Variants in MAPK10 observed in about 807,000 individuals in gnomAD.
MAPK10 encodes the protein mitogen-activated protein kinase 10.
A neutral mutation model predicts 59.3 loss-of-function variants in MAPK10; 25 were observed. That is an observed-to-expected ratio of 0.42 (90% CI 0.31 to 0.59). The LOEUF (loss-of-function observed/expected upper bound fraction) is 0.59. MAPK10 is among the 20% of genes least tolerant of loss of function. MAPK10 has a pLI of 0.15. For synonymous variants in MAPK10, 190 were observed against 200.5 expected (o/e 0.95, Z 0.44); for missense variants, 351 against 568.9 (o/e 0.62, Z 3.90).
intron 1 of MAPK10, among the ~76,000 whole-genome samples, chr4:86,466,116 T>G (rs184101990): frequency 4.6e-5 from 7 of 152,378 alleles, no homozygotes; most frequent in Admixed American, 3.9e-4. Context: ...TCTCAGTATT[T>G]ACCATAATAA....
chr4:86,290,759 T>A (rs2095197640), intron 2 of MAPK10, among the ~76,000 whole-genome samples: 1 of 152,186 alleles, frequency 6.6e-6, no homozygotes, highest in Non-Finnish European at 1.5e-5. Flanking sequence ...CTATATTAGA[T>A]GTAGCAGCCT....
chr4:86,313,934 A>G (rs1223707135), intron 2 of MAPK10, among the ~76,000 whole-genome samples: 2 of 152,124 alleles, frequency 1.3e-5, no homozygotes, highest in African/African-American at 4.8e-5. Flanking sequence ...AGCAACACAT[A>G]TGTTTATCAA....
At chr4:86,144,837 T>C (rs1317055855) in intron 4 of MAPK10, among the ~76,000 whole-genome samples, 1 of 152,156 alleles carries the variant, frequency 6.6e-6, no homozygotes, top group Non-Finnish European at 1.5e-5. Flanking sequence ...CCATGTTTGC[T>C]TTCAGGACAA....
intron 7 of MAPK10, 97 bp downstream of exon 7, chr4:86,101,792 GTATAT>G (rs1451085150): frequency 5.3e-6 from 6 of 1,131,932 alleles, no homozygotes; most frequent in South Asian, 2.9e-5. Context: ...AAATGAGGAA[GTATAT>G]TATATTTGAC....
intron 2 of MAPK10, among the ~76,000 whole-genome samples, chr4:86,351,075 T>TA (rs1021605197): frequency 9.2e-5 from 14 of 151,922 alleles, no homozygotes; most frequent in East Asian, 3.9e-4. Context: ...TCCATATCTT[T>TA]AAAAAAAAGT....
rs951209020 is a variant in MAPK10, at chr4:86,107,305, A to G, written c.284T>C (p.Leu95Pro). 1 of 1,613,142 alleles carries G rather than the reference A, an allele frequency of 6.2e-7. No individual in the cohort carries two copies. The highest frequency in any genetic ancestry group is 8.5e-7 in the Non-Finnish European group (1 of 1,179,486). Reference protein sequence around the residue: ...VLDRNVAIKKLSRPFQNQTHA... With the variant: ...VLDRNVAIKKPSRPFQNQTHA... Reference sequence around the variant, plus strand: ...TGTTTGGTTCTGAAAGGGTCTGCTGAGCTTCTTAATGGCCACATTTCTGTC... The same window carrying G: ...TGTTTGGTTCTGAAAGGGTCTGCTGGGCTTCTTAATGGCCACATTTCTGTC... Residue 95 changes from leucine (L) to proline (P), a missense_variant, in exon 5 of 14, where the codon CTC becomes CCC. Leu to Pro is a moderately conservative substitution (Grantham distance 98). This residue lies in a region of MAPK10 where 51 missense variants were observed against 72.7 expected (regional missense o/e 0.70). Coordinates refer to ENST00000641462, the MANE Select transcript of MAPK10 (RefSeq NM_138982.4).
At chr4:86,167,369 G>A (rs1254910070) in intron 3 of MAPK10, among the ~76,000 whole-genome samples, 1 of 152,190 alleles carries the variant, frequency 6.6e-6, no homozygotes, top group Non-Finnish European at 1.5e-5. Flanking sequence ...CTCATTTTAT[G>A]AGGCCAGCAT....
chr4:86,404,437 ATGATTCAT>A (rs2149020206), intron 1 of MAPK10, among the ~76,000 whole-genome samples: 1 of 152,310 alleles, frequency 6.6e-6, no homozygotes, highest in African/African-American at 2.4e-5. Flanking sequence ...CTCTTCATTC[ATGATTCAT>A]TGACTCTCTC....
intron 1 of MAPK10, among the ~76,000 whole-genome samples, chr4:86,396,348 A>G (rs1742947204): frequency 1.3e-5 from 2 of 152,164 alleles, no homozygotes; most frequent in South Asian, 4.1e-4. Context: ...CTCTGTCTCA[A>G]AAAAAAGAAA....
chr4:86,099,428 T>C (rs909656256), intron 8 of MAPK10: 2 of 152,270 alleles, frequency 1.3e-5, no homozygotes, highest in African/African-American at 4.8e-5. Flanking sequence ...CTTTTCATTA[T>C]GGACAAAGGG....
At chr4:86,380,894 C>T (rs1201828920) in intron 1 of MAPK10, among the ~76,000 whole-genome samples, 1 of 145,414 alleles carries the variant, frequency 6.9e-6, no homozygotes, top group Non-Finnish European at 1.5e-5. Flanking sequence ...CTAGTTCATA[C>T]ATCCTGCATT....
chr4:86,345,549 ATTGGTGTC>A (rs1163916828), intron 2 of MAPK10, among the ~76,000 whole-genome samples: 1 of 152,204 alleles, frequency 6.6e-6, no homozygotes, highest in African/African-American at 2.4e-5. Flanking sequence ...CGGTGAAACT[ATTGGTGTC>A]TTAGTCACTT....
intron 1 of MAPK10, among the ~76,000 whole-genome samples, chr4:86,528,404 T>C (rs1757633419): frequency 6.6e-6 from 1 of 152,096 alleles, no homozygotes; most frequent in South Asian, 2.1e-4. Context: ...AGAAAACTTA[T>C]CTTTTACTTT....
chr4:86,224,598 G>T (rs773227598), intron 2 of MAPK10, among the ~76,000 whole-genome samples: 1 of 152,202 alleles, frequency 6.6e-6, no homozygotes, highest in Non-Finnish European at 1.5e-5. Context: ...CACCGGGTCA[G>T]TATGAGGAAT....
At chr4:86,368,460 T>G (rs1285030810) in intron 1 of MAPK10, among the ~76,000 whole-genome samples, 1 of 152,240 alleles carries the variant, frequency 6.6e-6, no homozygotes, top group Non-Finnish European at 1.5e-5. Context: ...TTGCAATCAC[T>G]TTTAATTTTT....
intron 9 of MAPK10, among the ~76,000 whole-genome samples, chr4:86,083,508 G>C (rs1198078049): frequency 6.6e-6 from 1 of 152,126 alleles, no homozygotes; most frequent in Non-Finnish European, 1.5e-5. Context: ...CCTGGCCAGA[G>C]GGGAATCGCC....
intron 1 of MAPK10, among the ~76,000 whole-genome samples, chr4:86,520,997 C>G (rs575608189): frequency 6.6e-6 from 1 of 152,322 alleles, no homozygotes; most frequent in Admixed American, 6.5e-5. Context: ...CATACCAGCA[C>G]CCGGTCTGGT....
At chr4:86,160,660 CA>C (rs1257218146) in intron 3 of MAPK10, 1 of 148,040 alleles carries the variant, frequency 6.8e-6, no homozygotes, top group Non-Finnish European at 1.5e-5. Flanking sequence ...AATAATTTCT[CA>C]CATACCTCAC....
intron 2 of MAPK10, among the ~76,000 whole-genome samples, chr4:86,317,967 C>T (rs145052543): frequency 3.3e-5 from 5 of 152,280 alleles, no homozygotes; most frequent in African/African-American, 1.2e-4. Context: ...GAGTTCTCTG[C>T]CTTGTAGCTG....
Sources: gnomAD v4.1 joint callset for allele counts (sites outside exome capture counted in the v4.1 genomes callset) on GRCh38, gnomAD v4.1.1 for gene constraint, gnomAD v4.1.1 regional missense constraint, MANE v1.5 for transcripts, NCBI Gene and HGNC (gene_info 2026-07-23, HGNC 2026-07-21) for gene names.